Variants in IGSF10 observed in about 807,000 individuals in gnomAD.
The protein encoded by IGSF10 is calvaria mechanical force protein 608.
A neutral mutation model predicts 128.2 loss-of-function variants in IGSF10; 126 were observed. The observed-to-expected ratio is 0.98, with a 90% CI of 0.85 to 1.14. IGSF10 has a LOEUF of 1.14. IGSF10 is among the 50% of genes most tolerant of loss of function. The pLI, the probability that IGSF10 is intolerant of heterozygous loss-of-function variation, is 0.00. For missense variants in IGSF10, 3,295 were observed against 3,149.8 expected (o/e 1.05, Z -1.10); for synonymous variants, 1,185 against 1,146.2 (o/e 1.03, Z -0.68).
chr3:151,434,915 G>GGAA (rs1240461963), downstream of IGSF10: 2 of 152,084 alleles, frequency 1.3e-5, no homozygotes, highest in African/African-American at 4.8e-5. Flanking sequence ...TTTTAGGTGA[G>GGAA]GAAGTTATGC....
the IGSF10 span, among the ~76,000 whole-genome samples, chr3:151,494,034 G>C: frequency 6.6e-6 from 1 of 151,954 alleles, no homozygotes; most frequent in African/African-American, 2.4e-5. Context: ...TTGTAGTTCT[G>C]GACTATTACT....
rs754251648 is a variant in IGSF10 at position 151,448,375 on chromosome 3, A to G, written c.1606T>C (p.Leu536=). Reference sequence around the variant, plus strand: ...AAACTATCAGCCATCTGGAGTTCCAATTTTCCACTTTTGTCTATTAGGATC... The same window carrying G: ...AAACTATCAGCCATCTGGAGTTCCAGTTTTCCACTTTTGTCTATTAGGATC... ...GRILIDKSGK[L]ELQMADSFDT... is the part of the protein sequence containing the mutation. The change falls in exon 6 of 8, where the codon TTG becomes CTG. Residue 536 remains leucine (L), a synonymous_variant. Transcript: ENST00000282466. The G allele has an allele frequency of 2.5e-6, 4 of 1,614,068 alleles. No individual in the cohort carries two copies. Among genetic ancestry groups the G allele is most frequent in the African/African-American group, 1.3e-5 (1 of 74,926 alleles).
chr3:151,457,072 A>G lies in IGSF10; in HGVS notation c.278T>C (p.Ile93Thr). The G allele has an allele frequency of 6.2e-7, 1 of 1,614,184 alleles. No homozygotes were observed. Among genetic ancestry groups the G allele is most frequent in the Non-Finnish European group, 8.5e-7 (1 of 1,180,014 alleles). The part of the protein sequence containing the change: ...LELLMLHSNG[I>T]HTIPDKTFSD... ...GAAGGTCTTGTCAGGGATTGTGTGAATGCCATTGCTGTGAAGCATGAGTAA... is the reference window on the plus strand; with the variant it reads ...GAAGGTCTTGTCAGGGATTGTGTGAGTGCCATTGCTGTGAAGCATGAGTAA... The change falls in exon 4 of 8, where the codon ATT (isoleucine) becomes ACT (threonine). Residue 93 changes from isoleucine to threonine, a missense_variant. By Grantham distance (89) the Ile-to-Thr change is moderately conservative. Coordinates refer to ENST00000282466, the MANE Select transcript of IGSF10 (RefSeq NM_178822.5).
the IGSF10 span, among the ~76,000 whole-genome samples, chr3:151,472,095 T>TA: frequency 6.6e-6 from 1 of 152,072 alleles, no homozygotes; most frequent in African/African-American, 2.4e-5. Context: ...ATGAAAAAAA[T>TA]ACTGGTGGGG....
At chr3:151,459,604 C>G (rs1345638854) in intron 2 of IGSF10, among the ~76,000 whole-genome samples, 4 of 152,118 alleles carry the variant, frequency 2.6e-5, no homozygotes, top group African/African-American at 9.7e-5. Context: ...TTGGTCCCTC[C>G]TCCAGCTCAT....
chr3:151,489,584 A>G, the IGSF10 span, among the ~76,000 whole-genome samples: 1 of 152,036 alleles, frequency 6.6e-6, no homozygotes, highest in Non-Finnish European at 1.5e-5. Flanking sequence ...AATGCCATCA[A>G]TGATAGACTA....
chr3:151,481,832 A>G, the IGSF10 span, among the ~76,000 whole-genome samples: 26 of 152,142 alleles, frequency 1.7e-4, no homozygotes, highest in Non-Finnish European at 3.1e-4. Context: ...TCTGTTAACT[A>G]AAGAGGATTC....
chr3:151,545,203 G>A, the IGSF10 span, among the ~76,000 whole-genome samples: 1 of 151,774 alleles, frequency 6.6e-6, no homozygotes, highest in African/African-American at 2.4e-5. Context: ...ATTATTGTGG[G>A]CCTGTTTTCA....
At chr3:151,501,017 C>T in the IGSF10 span, among the ~76,000 whole-genome samples, 1 of 151,900 alleles carries the variant, frequency 6.6e-6, no homozygotes, top group Non-Finnish European at 1.5e-5. Context: ...ATATATAATC[C>T]TCCCATGAAG....
Position 151,437,156 on chromosome 3 carries a change from G to C in IGSF10, c.7405C>G (p.Pro2469Ala). Reference protein sequence around the residue: ...IPKPNIKWTMPSGYVVDRPQI... With the variant: ...IPKPNIKWTMASGYVVDRPQI... ...GGCCTGTCTACTACATAACCACTTGGCATAGTCCATTTGATATTTGGCTTA... is the reference window on the plus strand; with the variant it reads ...GGCCTGTCTACTACATAACCACTTGCCATAGTCCATTTGATATTTGGCTTA... Residue 2469 changes from proline to alanine, a missense_variant, in exon 8 of 8, where the codon CCA (proline) becomes GCA (alanine). Pro to Ala is a conservative substitution (Grantham distance 27). Coordinates refer to ENST00000282466, the MANE Select transcript of IGSF10 (RefSeq NM_178822.5). 2 of 1,614,050 alleles carry C rather than the reference G, an allele frequency of 1.2e-6. No individual in the cohort carries two copies. The highest frequency in any genetic ancestry group is 1.7e-6 in the Non-Finnish European group (2 of 1,179,988).
At chr3:151,588,503 G>A in the IGSF10 span, among the ~76,000 whole-genome samples, 1 of 152,260 alleles carries the variant, frequency 6.6e-6, no homozygotes, top group East Asian at 1.9e-4. Flanking sequence ...TAGAAAAATT[G>A]GGAAATGCAT....
chr3:151,524,545 C>G, the IGSF10 span, among the ~76,000 whole-genome samples: 2 of 152,184 alleles, frequency 1.3e-5, no homozygotes, highest in Non-Finnish European at 2.9e-5. Flanking sequence ...CGAAATACCA[C>G]ATGTTCTTAC....
chr3:151,461,869 T>C (rs548220661), upstream of IGSF10, among the ~76,000 whole-genome samples: 1 of 152,368 alleles, frequency 6.6e-6, no homozygotes, highest in South Asian at 2.1e-4. Flanking sequence ...CTTGGCATAA[T>C]GTCCTCCAGG....
chr3:151,593,091 A>G, the IGSF10 span, among the ~76,000 whole-genome samples: 17 of 152,218 alleles, frequency 1.1e-4, no homozygotes, highest in African/African-American at 3.6e-4. Flanking sequence ...AAACCTAAGT[A>G]TAACAATTAG....
chr3:151,551,283 T>A, the IGSF10 span, among the ~76,000 whole-genome samples: 1,458 of 152,268 alleles, frequency 9.6e-3, 19 homozygotes, highest in African/African-American at 0.033. Context: ...TATTATTTTT[T>A]AAATAACTTA....
chr3:151,439,458 C>G (rs543794853), intron 7 of IGSF10, among the ~76,000 whole-genome samples: 3 of 152,150 alleles, frequency 2.0e-5, no homozygotes, highest in African/African-American at 7.2e-5. Flanking sequence ...ACTAAAAATA[C>G]GAAAAATTAG....
upstream of IGSF10, among the ~76,000 whole-genome samples, chr3:151,461,752 A>G (rs1439150804): frequency 1.3e-5 from 2 of 152,120 alleles, no homozygotes; most frequent in Non-Finnish European, 2.9e-5. Context: ...AACCCCTATA[A>G]CCACTATTTA....
At chr3:151,494,917 CCTT>C in the IGSF10 span, among the ~76,000 whole-genome samples, 1,630 of 152,046 alleles carry the variant, frequency 0.011, 18 homozygotes, top group Admixed American at 0.031. Flanking sequence ...TTTTCAGAAA[CCTT>C]CTGGGAAAGG....
the IGSF10 span, among the ~76,000 whole-genome samples, chr3:151,486,996 G>C: frequency 2.2e-5 from 1 of 44,752 alleles, no homozygotes; most frequent in East Asian, 4.2e-4. Context: ...GAGCAGAACT[G>C]AAGGAGATAG....
Sources: gnomAD v4.1 joint callset for allele counts (sites outside exome capture counted in the v4.1 genomes callset) on GRCh38, gnomAD v4.1.1 for gene constraint, MANE v1.5 for transcripts, NCBI Gene and HGNC (gene_info 2026-07-23, HGNC 2026-07-21) for gene names.